The following PPP2R2B variants were observed in gnomAD, a reference collection of about 807,000 sequenced individuals.
The protein encoded by PPP2R2B is serine/threonine-protein phosphatase 2A 55 kDa regulatory subunit B beta isoform.
In PPP2R2B, 5 loss-of-function variants were observed where a neutral mutation model predicts 46.0. That is an observed-to-expected ratio of 0.11 (90% CI 0.06 to 0.23). The LOEUF (loss-of-function observed/expected upper bound fraction) is 0.23, where lower values mean the gene tolerates loss of function less well. Among genes scored for constraint, PPP2R2B ranks in the 10% least tolerant of loss-of-function variants. The pLI, the probability that PPP2R2B is intolerant of heterozygous loss-of-function variation, is 1.00. For synonymous variants in PPP2R2B, 215 were observed against 206.7 expected (o/e 1.04, Z -0.34); for missense variants, 367 against 575.0 (o/e 0.64, Z 3.70).
At chr5:147,066,224 G>A (rs775401955) in intron 2 of PPP2R2B, among the ~76,000 whole-genome samples, 22 of 152,110 alleles carry the variant, frequency 1.4e-4, no homozygotes, top group Non-Finnish European at 2.9e-4. Flanking sequence ...CAAAATCTAG[G>A]TATTGGAATA....
chr5:146,817,430 A>T (rs1265155721), intron 2 of PPP2R2B, among the ~76,000 whole-genome samples: 2 of 152,198 alleles, frequency 1.3e-5, no homozygotes, highest in African/African-American at 4.8e-5. Context: ...ATATGCAAAT[A>T]AATTTGCATA....
At chr5:146,881,984 A>G (rs1356745188), upstream of PPP2R2B, among the ~76,000 whole-genome samples, 1 of 152,114 alleles carries the variant, frequency 6.6e-6, no homozygotes, top group Non-Finnish European at 1.5e-5. Context: ...CAATTATGTA[A>G]AGAATTATTC....
intron 9 of PPP2R2B, among the ~76,000 whole-genome samples, chr5:146,592,421 G>A (rs899603610): frequency 7.2e-5 from 11 of 152,148 alleles, no homozygotes; most frequent in Admixed American, 6.5e-4. Flanking sequence ...AGAATCATTT[G>A]TATTTGTCAA....
chr5:146,637,013 T>C lies in PPP2R2B; in HGVS notation c.790+1238A>G, dbSNP rs890592648. Among the ~76,000 whole-genome samples the C allele has an allele frequency of 2.6e-5, 4 of 152,220 alleles. No homozygotes were observed. The South Asian group carries it at 8.3e-4, about 31-fold the overall frequency. On this transcript the variant is annotated intron_variant, in intron 7 of 9. Transcript: ENST00000394411. The stretch of plus-strand genomic sequence containing the variant: ...CTGTTTCAAATGTCTCAACCGTCTC[T>C]GAATGGCCTAACCCATAATTATCTC...
At chr5:147,028,648 T>C (rs1755636682) in intron 1 of PPP2R2B, among the ~76,000 whole-genome samples, 1 of 152,222 alleles carries the variant, frequency 6.6e-6, no homozygotes, top group Non-Finnish European at 1.5e-5. Flanking sequence ...ATGAACATTC[T>C]TATACATGTC....
chr5:146,765,025 G>T (rs369115188), intron 2 of PPP2R2B, among the ~76,000 whole-genome samples: 1 of 152,124 alleles, frequency 6.6e-6, no homozygotes, highest in Non-Finnish European at 1.5e-5. Context: ...AACACATAGA[G>T]GTTTCAGAAG....
intron 2 of PPP2R2B, among the ~76,000 whole-genome samples, chr5:146,789,648 C>T (rs1343898496): frequency 1.3e-5 from 2 of 151,808 alleles, no homozygotes; most frequent in African/African-American, 2.4e-5. Flanking sequence ...GAGAGAGAGG[C>T]AATACATCTA....
chr5:146,643,646 C>T (rs1341633759), intron 6 of PPP2R2B, among the ~76,000 whole-genome samples: 1 of 152,122 alleles, frequency 6.6e-6, no homozygotes, highest in African/African-American at 2.4e-5. Context: ...TCAGTGTATA[C>T]TGCTTAGGAG....
Position 146,878,168 on chromosome 5 carries a change from G to A in PPP2R2B, c.-97C>T. On this transcript the variant is annotated 5_prime_UTR_variant, in exon 2 of 10. Transcript: ENST00000394411. The surrounding 1 kb of genome is among the most constrained non-coding windows in gnomAD (Gnocchi z 4.5). The stretch of plus-strand genomic sequence containing the variant: ...TCTCACAGGAGAGGGGGGCAGGGGA[G>A]CCAGTGGGACTGCACCATGGTCCGA... 6.2e-7 allele frequency: 1 copy of A among 1,602,488 alleles called. No homozygotes were observed. The highest frequency in any genetic ancestry group is 8.5e-7 in the Non-Finnish European group (1 of 1,174,008).
At chr5:146,616,503 T>C (rs925557339) in intron 7 of PPP2R2B, among the ~76,000 whole-genome samples, 2 of 152,036 alleles carry the variant, frequency 1.3e-5, no homozygotes, top group African/African-American at 2.4e-5. Flanking sequence ...TACCAGAATA[T>C]AGAAGGAGCT....
chr5:146,688,822 A>G (rs571825389), intron 5 of PPP2R2B, among the ~76,000 whole-genome samples: 3 of 152,276 alleles, frequency 2.0e-5, no homozygotes, highest in Non-Finnish European at 4.4e-5. Context: ...ATGTCATCTG[A>G]GAAATTCCAT....
rs187116813 is a variant in PPP2R2B, at chr5:146,607,624, C to T, written c.791-7164G>A. ...TGCATCTACTATACTTCTTTTACAA[C>T]ATGTCTTTTAACAACTAATCATTCA... On this transcript the variant is annotated intron_variant, in intron 7 of 9. Transcript: ENST00000394411. 4 of 152,310 alleles carry T rather than the reference C, an allele frequency of 2.6e-5. No homozygotes were observed. The East Asian group carries it at 7.7e-4, about 29-fold the overall frequency. 9.4% of individuals were successfully genotyped at this position (152,310 alleles called of 1,614,324 possible).
intron 2 of PPP2R2B, among the ~76,000 whole-genome samples, chr5:146,826,383 G>A (rs1343528085): frequency 6.6e-6 from 1 of 152,112 alleles, no homozygotes; most frequent in Non-Finnish European, 1.5e-5. Context: ...TTCTGAAGTA[G>A]AACCTTAGAG....
intron 1 of PPP2R2B, among the ~76,000 whole-genome samples, chr5:147,024,241 C>A (rs1251359066): frequency 6.6e-6 from 1 of 151,896 alleles, no homozygotes; most frequent in Non-Finnish European, 1.5e-5. Context: ...CGCTAATACA[C>A]TGATAAAAGG....
At chr5:146,870,302 G>A (rs1300547798) in intron 2 of PPP2R2B, among the ~76,000 whole-genome samples, 3 of 152,142 alleles carry the variant, frequency 2.0e-5, no homozygotes, top group African/African-American at 7.2e-5. Context: ...TTTGGAGATA[G>A]GTCCTTTAAG....
At chr5:146,945,369 C>T (rs1183841265) in intron 1 of PPP2R2B, among the ~76,000 whole-genome samples, 1 of 152,172 alleles carries the variant, frequency 6.6e-6, no homozygotes, top group Non-Finnish European at 1.5e-5. Context: ...TAATTATTAA[C>T]CAAATGGATT....
intron 1 of PPP2R2B, among the ~76,000 whole-genome samples, chr5:146,950,759 A>G (rs1764626881): frequency 6.6e-6 from 1 of 152,012 alleles, no homozygotes; most frequent in Admixed American, 6.6e-5. Context: ...ATAAATGTCA[A>G]AAGAGGGTGA....
chr5:146,723,834 G>T (rs1343949601), intron 2 of PPP2R2B, among the ~76,000 whole-genome samples: 1 of 151,816 alleles, frequency 6.6e-6, no homozygotes, highest in African/African-American at 2.4e-5. Flanking sequence ...CCTTACAAAA[G>T]CTCCTCCCCC....
chr5:146,915,047 C>T (rs1248715392), intron 1 of PPP2R2B, among the ~76,000 whole-genome samples: 5 of 152,100 alleles, frequency 3.3e-5, no homozygotes, highest in African/African-American at 1.2e-4. Context: ...TCAAATTTAA[C>T]AGAAGATTCA....
Sources: allele counts gnomAD v4.1 joint callset (sites outside exome capture counted in the v4.1 genomes callset), GRCh38; gene constraint gnomAD v4.1.1; non-coding constraint Gnocchi (gnomAD v3.1); transcripts MANE v1.5; gene names NCBI Gene and HGNC (gene_info 2026-07-23, HGNC 2026-07-21).